The following LURAP1L variants were observed in gnomAD, a reference collection of about 807,000 sequenced individuals.
The protein encoded by LURAP1L is leucine rich adaptor protein 1 like.
Under a neutral mutation model 13.8 loss-of-function variants are expected in LURAP1L, and 12 were observed. That is an observed-to-expected ratio of 0.87 (90% CI 0.56 to 1.41). LURAP1L has a LOEUF of 1.41. LURAP1L is among the 40% of genes most tolerant of loss of function. The probability of loss-of-function intolerance (pLI) is 0.00; values close to 1 mark genes in which losing one functional copy is unlikely to be tolerated. For synonymous variants in LURAP1L, 139 were observed against 119.2 expected (o/e 1.17, Z -1.08); for missense variants, 375 against 292.9 (o/e 1.28, Z -2.04).
At chr9:12,777,212 T>A in intron 1 of LURAP1L, 1 of 984,978 alleles carries the variant, frequency 1.0e-6, no homozygotes, top group Non-Finnish European at 1.2e-6. Flanking sequence ...TGGACAAAAA[T>A]TTAAGGACAA....
At chr9:12,795,284 T>C (rs1819497956) in intron 1 of LURAP1L, among the ~76,000 whole-genome samples, 1 of 152,086 alleles carries the variant, frequency 6.6e-6, no homozygotes, top group Admixed American at 6.6e-5. Context: ...TTATTGTATA[T>C]ATCTTAGTAG....
Position 12,801,540 on chromosome 9 carries a change from T to C in LURAP1L, c.313-19846T>C, listed in dbSNP as rs188403612. 9.2e-3 allele frequency among the ~76,000 whole-genome samples: 1,402 copies of C among 152,288 alleles called. 5 individuals are homozygous for C. The highest frequency in any genetic ancestry group is 0.037 in the Middle Eastern group (11 of 294). ...TTAATAAGTTTTTATTAGATCAATT[T>C]CATTAAACTGCTGTAAGACTACAAT... On this transcript the variant is annotated intron_variant, in intron 1 of 1. Transcript: ENST00000319264.
At chr9:12,813,691 A>G (rs775657584) in intron 1 of LURAP1L, among the ~76,000 whole-genome samples, 3 of 152,224 alleles carry the variant, frequency 2.0e-5, no homozygotes, top group Non-Finnish European at 2.9e-5. Context: ...GAAAACTGTT[A>G]TTCAATTCAG....
intron 1 of LURAP1L, among the ~76,000 whole-genome samples, chr9:12,800,447 T>A (rs909904757): frequency 1.3e-5 from 2 of 152,048 alleles, no homozygotes; most frequent in African/African-American, 4.8e-5. Context: ...TGTCTTTTTA[T>A]AGGGTGTCCA....
chr9:12,821,169 C>CT (rs1251487725), intron 1 of LURAP1L, among the ~76,000 whole-genome samples: 1 of 152,092 alleles, frequency 6.6e-6, no homozygotes, highest in East Asian at 1.9e-4. Context: ...TTTATTGTGC[C>CT]TTTTGGAGCC....
At chr9:12,800,273 A>C (rs1819566055) in intron 1 of LURAP1L, among the ~76,000 whole-genome samples, 1 of 152,202 alleles carries the variant, frequency 6.6e-6, no homozygotes, top group African/African-American at 2.4e-5. Context: ...CAGTTTTCCC[A>C]ACTGCATTGC....
chr9:12,821,992 T>C lies in LURAP1L; in HGVS notation c.*232T>C. 2.3e-6 allele frequency: 1 copy of C among 440,154 alleles called. No individual in the cohort carries two copies. Among genetic ancestry groups the C allele is most frequent in the Non-Finnish European group, 3.9e-6 (1 of 253,426 alleles). The allele number at this position is 440,154 out of a possible 1,614,324, so 27.3% of individuals were successfully genotyped here. On this transcript the variant is annotated 3_prime_UTR_variant, in exon 2 of 2. Coordinates refer to ENST00000319264, the MANE Select transcript of LURAP1L (RefSeq NM_203403.2). ...TTATTACAATGATTTTCTCCCTTCT[T>C]TTACAGTAGCACAAACAAAGTAGGG...
chr9:12,818,601 G>T (rs6474736), intron 1 of LURAP1L, among the ~76,000 whole-genome samples: 59 of 152,128 alleles, frequency 3.9e-4, no homozygotes, highest in African/African-American at 1.4e-3. Flanking sequence ...CTAACAGGAC[G>T]GTAGTGGTGA....
In LURAP1L at chr9:12,775,761, C is replaced by T; in HGVS notation, c.46C>T (p.Leu16=). 1 of 1,606,310 alleles carries T rather than the reference C, an allele frequency of 6.2e-7. No individual in the cohort carries two copies. Among genetic ancestry groups the T allele is most frequent in the Non-Finnish European group, 8.5e-7 (1 of 1,177,652 alleles). ...AGACCTCAGAGACATCGAGCTGAAGCTGGGGCGCAAAGTACCCGAGAGTCT... is the reference window on the plus strand; with the variant it reads ...AGACCTCAGAGACATCGAGCTGAAGTTGGGGCGCAAAGTACCCGAGAGTCT... ...LPDLRDIELK[L]GRKVPESLVR... The change falls in exon 1 of 2, where the codon CTG becomes TTG. Residue 16 remains leucine, a synonymous_variant. Coordinates refer to ENST00000319264, the MANE Select transcript of LURAP1L (RefSeq NM_203403.2).
In LURAP1L at chr9:12,817,424, C is replaced by A. The variant is rs190050780; in HGVS notation, c.313-3962C>A. 2.5e-3 allele frequency among the ~76,000 whole-genome samples: 387 copies of A among 152,254 alleles called. 1 individual carries two copies. Among genetic ancestry groups the A allele is most frequent in the South Asian group, 4.4e-3 (21 of 4,820 alleles). On this transcript the variant is annotated intron_variant, in intron 1 of 1. Coordinates refer to ENST00000319264, the MANE Select transcript of LURAP1L (RefSeq NM_203403.2). The stretch of plus-strand genomic sequence containing the variant: ...CCAAGCACTCTGTGGTGCTTCCATG[C>A]TCATGGGGGGAAGAGAAAATAATAA...
chr9:12,791,237 G>C (rs898110689), intron 1 of LURAP1L, among the ~76,000 whole-genome samples: 1 of 152,062 alleles, frequency 6.6e-6, no homozygotes. Context: ...TTAAGGAATC[G>C]ACCTGTTTTT....
At chr9:12,819,290 T>A (rs1009564531) in intron 1 of LURAP1L, among the ~76,000 whole-genome samples, 1 of 152,344 alleles carries the variant, frequency 6.6e-6, no homozygotes, top group East Asian at 1.9e-4. Flanking sequence ...GGATTTTAAA[T>A]TGTACTTTAT....
rs1249868741 is a variant in LURAP1L, at chr9:12,807,300, TAAATA to T, written c.313-14081_313-14077del. On this transcript the variant is annotated intron_variant, in intron 1 of 1. Transcript: ENST00000319264. ...CTAACTGACTAACTAACTAACTAAA[TAAATA>T]AAATGAGACTGAAAAAGAGAATTGG... Among the ~76,000 whole-genome samples the T allele has an allele frequency of 5.3e-5, 8 of 151,906 alleles. No individual in the cohort carries two copies. In the East Asian group the frequency reaches 1.6e-3, roughly 30 times the overall value.
chr9:12,781,437 A>C (rs1819269215), intron 1 of LURAP1L, among the ~76,000 whole-genome samples: 1 of 152,040 alleles, frequency 6.6e-6, no homozygotes, highest in Admixed American at 6.5e-5. Flanking sequence ...GGTAACCATC[A>C]TTCTACTTCC....
chr9:12,788,797 G>T (rs1356209816), intron 1 of LURAP1L, among the ~76,000 whole-genome samples: 1 of 151,724 alleles, frequency 6.6e-6, no homozygotes, highest in Non-Finnish European at 1.5e-5. Context: ...ATTTTGTCCA[G>T]TTTCTCTATA....
At chr9:12,799,873 C>CAAAA (rs58987082) in intron 1 of LURAP1L, among the ~76,000 whole-genome samples, 7 of 82,500 alleles carry the variant, frequency 8.5e-5, no homozygotes, top group African/African-American at 1.2e-4. Flanking sequence ...GACTCCGTCT[C>CAAAA]AAAAAAAAAA....
intron 1 of LURAP1L, among the ~76,000 whole-genome samples, chr9:12,818,047 A>G (rs1819826778): frequency 6.6e-6 from 1 of 151,924 alleles, no homozygotes; most frequent in Non-Finnish European, 1.5e-5. Flanking sequence ...ATTATCAACC[A>G]GATCAACACG....
rs529608270 is a variant in LURAP1L, at chr9:12,795,309, C to T, written c.312+19282C>T. On this transcript the variant is annotated intron_variant, in intron 1 of 1. Transcript: ENST00000319264. The stretch of plus-strand genomic sequence containing the variant: ...TATCTTAGTAGACTATCAGTTCTTT[C>T]GTGGCTAGAACCAGGTCCAGTTCAT... Among the ~76,000 whole-genome samples, 7 of 152,074 alleles carry T rather than the reference C, an allele frequency of 4.6e-5. 1 individual carries two copies. Among genetic ancestry groups the T allele is most frequent in the South Asian group, 2.1e-4 (1 of 4,818 alleles).
intron 1 of LURAP1L, among the ~76,000 whole-genome samples, chr9:12,793,319 C>T (rs764884499): frequency 1.3e-5 from 2 of 151,966 alleles, no homozygotes; most frequent in African/African-American, 2.4e-5. Flanking sequence ...TATAAAACAA[C>T]CATTTTCTTA....
Sources: allele counts gnomAD v4.1 joint callset (sites outside exome capture counted in the v4.1 genomes callset), GRCh38; gene constraint gnomAD v4.1.1; transcripts MANE v1.5; gene names NCBI Gene and HGNC (gene_info 2026-07-23, HGNC 2026-07-21).